The following ADAMTSL1 variants were observed in gnomAD, a reference collection of about 807,000 sequenced individuals.
ADAMTSL1 encodes ADAMTS-like protein 1.
In ADAMTSL1, 126 loss-of-function variants were observed where a neutral mutation model predicts 201.8. The ratio of observed to expected loss-of-function variants is 0.62; its 90% CI spans 0.54 to 0.72. ADAMTSL1 has a LOEUF of 0.72. Among genes scored for constraint, ADAMTSL1 ranks in the 30% least tolerant of loss-of-function variants. ADAMTSL1 has a pLI of 0.00. For synonymous variants in ADAMTSL1, 1,121 were observed against 903.4 expected (o/e 1.24, Z -4.32); for missense variants, 2,679 against 2,277.8 (o/e 1.18, Z -3.59).
At chr9:17,934,866 A>G (rs1012027375) in intron 1 of ADAMTSL1, among the ~76,000 whole-genome samples, 1 of 147,858 alleles carries the variant, frequency 6.8e-6, no homozygotes, top group Non-Finnish European at 1.5e-5. Context: ...ATATTCTTCT[A>G]GTAATTCTTC....
chr9:18,587,229 A>G (rs567660313), intron 4 of ADAMTSL1, among the ~76,000 whole-genome samples: 6 of 152,316 alleles, frequency 3.9e-5, no homozygotes, highest in Non-Finnish European at 7.4e-5. Flanking sequence ...TCCAGCATGT[A>G]TAAGGAACTT....
chr9:17,991,603 G>T (rs1276202885), intron 1 of ADAMTSL1, among the ~76,000 whole-genome samples: 1 of 152,086 alleles, frequency 6.6e-6, no homozygotes, highest in African/African-American at 2.4e-5. Context: ...GCCCCTGTTT[G>T]AATAACTCCA....
rs1830474379 is a variant in ADAMTSL1, at chr9:18,909,119, G to T, written c.*571G>T. On this transcript the variant is annotated 3_prime_UTR_variant, in exon 29 of 29. Transcript: ENST00000380548. ...CTTCTAGTGGGTGAGTGCAGAGAGA[G>T]AAGAACTCAGATCACCAGTAGGGAG... 1 of 153,226 alleles carries T rather than the reference G, an allele frequency of 6.5e-6. No homozygotes were observed. The highest frequency in any genetic ancestry group is 1.5e-5 in the Non-Finnish European group (1 of 68,780). The allele number at this position is 153,226 out of a possible 1,614,324, so 9.5% of individuals were successfully genotyped here. A position where few individuals can be genotyped will look rare whatever the true frequency, so the allele number is the denominator to read the frequency against.
At chr9:17,976,538 T>C (rs1490273467) in intron 1 of ADAMTSL1, among the ~76,000 whole-genome samples, 1 of 152,036 alleles carries the variant, frequency 6.6e-6, no homozygotes, top group Non-Finnish European at 1.5e-5. Flanking sequence ...TCTCGGAGAA[T>C]TGGTTGTTAG....
intron 14 of ADAMTSL1, among the ~76,000 whole-genome samples, chr9:18,716,862 G>C (rs1485649593): frequency 7.3e-6 from 1 of 136,292 alleles, no homozygotes; most frequent in Non-Finnish European, 1.6e-5. Context: ...TGATAGACTG[G>C]ATTAAGAAAA....
At chr9:18,657,810 A>G (rs1172956870) in intron 8 of ADAMTSL1, 60 bp downstream of exon 8, 11 of 1,375,888 alleles carry the variant, frequency 8.0e-6, no homozygotes, top group African/African-American at 5.7e-5. Context: ...CTTGGGTATT[A>G]TAAGAGTAGA....
In ADAMTSL1 at chr9:18,555,439, G is replaced by A. The variant is rs1353423409; in HGVS notation, c.238-18591G>A. 5.3e-5 allele frequency among the ~76,000 whole-genome samples: 8 copies of A among 151,898 alleles called. No homozygotes were observed. The East Asian group carries it at 5.8e-4, about 11-fold the overall frequency. On this transcript the variant is annotated intron_variant, in intron 3 of 28. Transcript: ENST00000380548. ...TATTTTTAGTCACTTGTAGTGAGAA[G>A]CTTTCTCAGAGTTTCTAGTCCTACA...
chr9:18,263,455 T>G (rs1398567395), intron 2 of ADAMTSL1, among the ~76,000 whole-genome samples: 2 of 152,208 alleles, frequency 1.3e-5, no homozygotes, highest in Admixed American at 1.3e-4. Context: ...TCACCTGGTG[T>G]TGTAGAACTC....
At chr9:18,741,065 G>A (rs140016001) in intron 15 of ADAMTSL1, among the ~76,000 whole-genome samples, 26 of 152,006 alleles carry the variant, frequency 1.7e-4, no homozygotes, top group Non-Finnish European at 2.8e-4. Context: ...ATAGGGTAGA[G>A]GTCTGACTCA....
At chr9:18,698,438 C>A (rs1417700657) in intron 13 of ADAMTSL1, among the ~76,000 whole-genome samples, 1 of 152,088 alleles carries the variant, frequency 6.6e-6, no homozygotes, top group East Asian at 1.9e-4. Flanking sequence ...GTGTATGCCA[C>A]CATGCCTGGC....
At chr9:17,920,939 T>C (rs1222781653) in intron 1 of ADAMTSL1, among the ~76,000 whole-genome samples, 1 of 152,242 alleles carries the variant, frequency 6.6e-6, no homozygotes, top group Non-Finnish European at 1.5e-5. Context: ...TAAAGTTTCA[T>C]AATGCTGTGC....
intron 2 of ADAMTSL1, among the ~76,000 whole-genome samples, chr9:18,181,147 A>G (rs1158422616): frequency 1.3e-5 from 2 of 152,256 alleles, no homozygotes; most frequent in East Asian, 3.8e-4. Flanking sequence ...AAGATGGATT[A>G]AAGACTTAAA....
chr9:17,957,827 A>G (rs1452889945), intron 1 of ADAMTSL1, among the ~76,000 whole-genome samples: 3 of 152,152 alleles, frequency 2.0e-5, no homozygotes, highest in Non-Finnish European at 4.4e-5. Context: ...AAGCCAAGAG[A>G]TGCTAAGGGC....
Position 18,332,913 on chromosome 9 carries a change from C to T in ADAMTSL1, c.207+168932C>T, listed in dbSNP as rs552021972. ...GCACTTATGACCTGCATGAGCTTAA[C>T]GAGCATCTGAGTCTGTTTCATCATC... On this transcript the variant is annotated intron_variant, in intron 2 of 29. Coordinates refer to the ADAMTSL1 transcript ENST00000680146. 7.2e-5 allele frequency among the ~76,000 whole-genome samples: 11 copies of T among 152,192 alleles called. No individual in the cohort carries two copies. In the South Asian group the frequency reaches 1.2e-3, roughly 17 times the overall value.
At chr9:18,518,227 G>T (rs986620335) in intron 2 of ADAMTSL1, among the ~76,000 whole-genome samples, 2 of 152,086 alleles carry the variant, frequency 1.3e-5, no homozygotes, top group Non-Finnish European at 2.9e-5. Context: ...TGGGGTTTGG[G>T]CTTCCAGTAT....
At chr9:18,753,257 G>T in intron 15 of ADAMTSL1, 41 bp from the exon 16 acceptor site, 1 of 1,558,490 alleles carries the variant, frequency 6.4e-7, no homozygotes, top group Non-Finnish European at 8.7e-7. Context: ...CTCTGCACAG[G>T]TACTAAGGGT....
chr9:17,915,452 A>G (rs1029414718), intron 1 of ADAMTSL1, among the ~76,000 whole-genome samples: 5 of 152,318 alleles, frequency 3.3e-5, no homozygotes, highest in East Asian at 3.9e-4. Flanking sequence ...TTTGTTGTCC[A>G]TCAGCATTCA....
At chr9:18,232,582 A>G (rs1275983649) in intron 2 of ADAMTSL1, among the ~76,000 whole-genome samples, 1 of 152,108 alleles carries the variant, frequency 6.6e-6, no homozygotes. Flanking sequence ...ATATGTGTTG[A>G]TTGATTGATT....
At chr9:18,190,978 A>G (rs1020734854) in intron 2 of ADAMTSL1, among the ~76,000 whole-genome samples, 3 of 152,216 alleles carry the variant, frequency 2.0e-5, no homozygotes, top group Non-Finnish European at 4.4e-5. Context: ...CCAAATTTCC[A>G]CAAGAAATCT....
Sources: allele counts gnomAD v4.1 joint callset (sites outside exome capture counted in the v4.1 genomes callset), GRCh38; gene constraint gnomAD v4.1.1; transcripts MANE v1.5; gene names NCBI Gene and HGNC (gene_info 2026-07-23, HGNC 2026-07-21).